TENM4: variants seen among roughly 807,000 people sequenced by gnomAD.
TENM4 encodes the protein teneurin transmembrane protein 4.
A neutral mutation model predicts 243.3 loss-of-function variants in TENM4; 82 were observed. The ratio of observed to expected loss-of-function variants is 0.34; its 90% CI spans 0.28 to 0.40. The LOEUF (loss-of-function observed/expected upper bound fraction) is 0.40. Among genes scored for constraint, TENM4 ranks in the 10% least tolerant of loss-of-function variants. The pLI is 1.00. For synonymous variants in TENM4, 1,412 were observed against 1,456.3 expected, an observed-to-expected ratio of 0.97 and a Z score of 0.69; for missense variants, 3,138 against 3,673.3, an observed-to-expected ratio of 0.85 and a Z score of 3.77.
chr11:79,258,022 C>T (rs1324427504), intron 2 of TENM4, among the ~76,000 whole-genome samples: 1 of 152,178 alleles, frequency 6.6e-6, no homozygotes, highest in Non-Finnish European at 1.5e-5. Context: ...GAGGGGTTCA[C>T]TCAATCCATG....
chr11:79,012,961 A>G (rs1858683898), intron 6 of TENM4, among the ~76,000 whole-genome samples: 1 of 152,200 alleles, frequency 6.6e-6, no homozygotes. Context: ...GGAAGACCAA[A>G]GAGAGGAGTC....
At chr11:78,871,824 C>T (rs1274987588) in intron 9 of TENM4, among the ~76,000 whole-genome samples, 3 of 152,100 alleles carry the variant, frequency 2.0e-5, no homozygotes, top group South Asian at 2.1e-4. Context: ...CTCTGCCCCC[C>T]CAGAACCTGG....
In TENM4 at chr11:79,100,762, T is replaced by G. The variant is rs148270127; in HGVS notation, c.-65-30753A>C. On this transcript the variant is annotated intron_variant, in intron 4 of 33. Transcript: ENST00000278550. ...GACAAGTGGCAACCTGCTCCAGGAA[T>G]AAACTTACAAGGAAGCCCCTCCCTC... Among the ~76,000 whole-genome samples the G allele has an allele frequency of 1.1e-3, 168 of 152,256 alleles. 1 individual carries two copies. The highest frequency in any genetic ancestry group is 3.9e-3 in the African/African-American group (160 of 41,552).
At chr11:79,158,621 A>G (rs188703922) in intron 3 of TENM4, among the ~76,000 whole-genome samples, 1 of 152,364 alleles carries the variant, frequency 6.6e-6, no homozygotes, top group Admixed American at 6.5e-5. Flanking sequence ...TGAGAAGAAT[A>G]TCATTTCTCA....
intron 2 of TENM4, among the ~76,000 whole-genome samples, chr11:79,281,378 T>C (rs529543784): frequency 6.6e-6 from 1 of 152,350 alleles, no homozygotes; most frequent in South Asian, 2.1e-4. Context: ...ACATTGATAG[T>C]CTTATTTTCA....
intron 1 of TENM4, among the ~76,000 whole-genome samples, chr11:79,350,413 A>C (rs1048005710): frequency 7.5e-6 from 1 of 133,990 alleles, no homozygotes. Context: ...AGCCCTCTTT[A>C]TTTTCCTTTC....
intron 3 of TENM4, among the ~76,000 whole-genome samples, chr11:79,207,780 C>T (rs142499536): frequency 4.7e-4 from 69 of 146,318 alleles, no homozygotes; most frequent in African/African-American, 1.7e-3. Flanking sequence ...GTAGGAGGAT[C>T]GCTTGAGCCC....
intron 1 of TENM4, among the ~76,000 whole-genome samples, chr11:79,341,037 G>A (rs550864940): frequency 8.5e-5 from 13 of 152,224 alleles, no homozygotes; most frequent in African/African-American, 2.6e-4. Flanking sequence ...TGAAGCAGGA[G>A]GTTGGAGTGA....
In TENM4 at chr11:78,669,733, T is replaced by C. The variant is rs560429212; in HGVS notation, c.6612A>G (p.Thr2204=). The change falls in exon 32 of 34, where the codon ACA becomes ACG. Residue 2204 remains threonine, a synonymous_variant. Transcript: ENST00000278550. This position sits in a 1 kb window ranked among gnomAD's most constrained non-coding sequence, Gnocchi z 6.4. ...AGAGTGGCTTGTCATTGATGGAGAC[T>C]GTCTGCAGCTGGCCGTCAGCATCAT... ...YEYDADGQLQ[T]VSINDKPLWR... is the part of the protein sequence containing the mutation. The C allele has an allele frequency of 8.7e-6, 14 of 1,614,024 alleles. No homozygotes were observed. Among genetic ancestry groups the C allele is most frequent in the South Asian group, 3.3e-5 (3 of 91,074 alleles).
At chr11:79,376,306 A>T (rs1170571493) in intron 1 of TENM4, among the ~76,000 whole-genome samples, 1 of 152,240 alleles carries the variant, frequency 6.6e-6, no homozygotes, top group African/African-American at 2.4e-5. Context: ...CTGTCTCTTG[A>T]TGTCCTCACC....
intron 6 of TENM4, among the ~76,000 whole-genome samples, chr11:78,947,538 A>G (rs1857024885): frequency 6.6e-6 from 1 of 152,180 alleles, no homozygotes; most frequent in African/African-American, 2.4e-5. Flanking sequence ...TACCTTTGCA[A>G]TCTGGAGGAG....
chr11:78,791,775 C>T (rs1857061917), intron 15 of TENM4, among the ~76,000 whole-genome samples: 1 of 152,196 alleles, frequency 6.6e-6, no homozygotes, highest in South Asian at 2.1e-4. Flanking sequence ...GTGGCAAGTA[C>T]ACTAGACTAA....
chr11:78,973,298 G>T (rs1485723967), intron 6 of TENM4, among the ~76,000 whole-genome samples: 1 of 152,240 alleles, frequency 6.6e-6, no homozygotes, highest in Non-Finnish European at 1.5e-5. Flanking sequence ...CACTGGCAGT[G>T]TATGAGGGTG....
At chr11:79,351,522 A>T (rs1257914557) in intron 1 of TENM4, among the ~76,000 whole-genome samples, 2 of 152,132 alleles carry the variant, frequency 1.3e-5, no homozygotes, top group Non-Finnish European at 2.9e-5. Context: ...CCTGGCCAGC[A>T]TGGTGAAACC....
intron 1 of TENM4, among the ~76,000 whole-genome samples, chr11:79,383,481 G>C (rs149773864): frequency 1.3e-5 from 2 of 152,166 alleles, no homozygotes; most frequent in Admixed American, 1.3e-4. Context: ...TTTCTGATGA[G>C]AATCTGACAA....
chr11:79,160,224 T>C (rs903007430), intron 3 of TENM4, among the ~76,000 whole-genome samples: 9 of 152,168 alleles, frequency 5.9e-5, no homozygotes, highest in African/African-American at 2.2e-4. Flanking sequence ...TGCTTGTTGA[T>C]CTGTGCAGGC....
chr11:79,232,722 T>C (rs1397639848), intron 2 of TENM4, among the ~76,000 whole-genome samples: 2 of 152,196 alleles, frequency 1.3e-5, no homozygotes, highest in Non-Finnish European at 2.9e-5. Flanking sequence ...TTCCGAACTC[T>C]TGTGGGTGAG....
chr11:79,021,101 C>T (rs549712386), intron 6 of TENM4, among the ~76,000 whole-genome samples: 3 of 152,292 alleles, frequency 2.0e-5, no homozygotes, highest in South Asian at 4.1e-4. Flanking sequence ...TGGATTTTAA[C>T]GAATTGCCTG....
intron 25 of TENM4, among the ~76,000 whole-genome samples, chr11:78,719,849 T>C (rs192502952): frequency 1.8e-4 from 28 of 152,312 alleles, no homozygotes; most frequent in Admixed American, 1.6e-3. Flanking sequence ...TGGGGATTGA[T>C]CTCTGCAGTT....
Sources: allele counts gnomAD v4.1 joint callset (sites outside exome capture counted in the v4.1 genomes callset), GRCh38; gene constraint gnomAD v4.1.1; non-coding constraint Gnocchi (gnomAD v3.1); transcripts MANE v1.5; gene names NCBI Gene and HGNC (gene_info 2026-07-23, HGNC 2026-07-21).